The following MFSD8 variants were observed in gnomAD, a reference collection of about 807,000 sequenced individuals.
MFSD8 encodes major facilitator superfamily domain containing 8.
In MFSD8, 55 loss-of-function variants were observed where a neutral mutation model predicts 66.4. The ratio of observed to expected loss-of-function variants is 0.83; its 90% CI spans 0.67 to 1.04. The LOEUF (loss-of-function observed/expected upper bound fraction) is 1.04. MFSD8 is among the 50% of genes least tolerant of loss of function. The pLI is 0.00. For missense variants in MFSD8, 550 were observed against 627.6 expected (o/e 0.88, Z 1.32); for synonymous variants, 202 against 212.8 (o/e 0.95, Z 0.44).
At chr4:127,932,682 T>A in intron 8 of MFSD8, 1 of 256,668 alleles carries the variant, frequency 3.9e-6, no homozygotes, top group Admixed American at 5.2e-5. Context: ...AGCTTAAGGA[T>A]AATTAAATCA....
chr4:127,928,828 T>A (rs1737636186), intron 9 of MFSD8, among the ~76,000 whole-genome samples: 1 of 152,060 alleles, frequency 6.6e-6, no homozygotes, highest in Admixed American at 6.6e-5. Context: ...AGTCAAAATA[T>A]GAAACCAACC....
At chr4:127,930,572 G>C in intron 9 of MFSD8, 111 bp downstream of exon 9, 2 of 1,214,158 alleles carry the variant, frequency 1.6e-6, no homozygotes, top group Non-Finnish European at 2.3e-6. Context: ...GTAAATTTGT[G>C]TGCAAAAAAA....
intron 3 of MFSD8, among the ~76,000 whole-genome samples, chr4:127,944,982 C>T (rs560600849): frequency 3.3e-5 from 5 of 152,280 alleles, no homozygotes; most frequent in South Asian, 4.1e-4. Context: ...CATGAGCCAC[C>T]GCACTCAGCC....
intron 1 of MFSD8, among the ~76,000 whole-genome samples, chr4:127,961,312 C>T (rs1210628103): frequency 6.6e-6 from 1 of 152,052 alleles, no homozygotes; most frequent in Non-Finnish European, 1.5e-5. Context: ...AATCTAGAAC[C>T]TCAATCAGAG....
At chr4:127,927,128 T>C (rs571283646) in intron 9 of MFSD8, among the ~76,000 whole-genome samples, 1 of 152,262 alleles carries the variant, frequency 6.6e-6, no homozygotes, top group African/African-American at 2.4e-5. Context: ...GTGTTTAAAG[T>C]AGGCTAAGCT....
At chr4:127,922,122 ACT>A in intron 9 of MFSD8, 159 bp from the exon 10 acceptor site, 1 of 800,890 alleles carries the variant, frequency 1.2e-6, no homozygotes, top group South Asian at 1.7e-5. Flanking sequence ...AATAACCAGG[ACT>A]CCTCTGAAAA....
At chr4:127,933,248 TTA>T in intron 7 of MFSD8, 155 bp from the exon 8 acceptor site, 1 of 593,084 alleles carries the variant, frequency 1.7e-6, no homozygotes, top group Non-Finnish European at 3.0e-6. Flanking sequence ...GAGAATTTGT[TTA>T]TTTTTATTTT....
At chr4:127,930,575 C>CA (rs977634611) in intron 9 of MFSD8, 108 bp downstream of exon 9, 101 of 1,254,766 alleles carry the variant, frequency 8.0e-5, no homozygotes, top group Non-Finnish European at 8.4e-5. Flanking sequence ...AATTTGTGTG[C>CA]AAAAAAAAGC....
At chr4:127,958,365 A>C (rs530412097) in intron 1 of MFSD8, among the ~76,000 whole-genome samples, 1 of 152,314 alleles carries the variant, frequency 6.6e-6, no homozygotes, top group East Asian at 1.9e-4. Flanking sequence ...AATAATCAAG[A>C]CATGCAGAAC....
rs1736091235 is a variant in MFSD8, at chr4:127,919,169, G to A, written c.*1461C>T. 6.6e-6 allele frequency: 1 copy of A among 152,178 alleles called. No homozygotes were observed. The highest frequency in any genetic ancestry group is 2.1e-4 in the South Asian group (1 of 4,830). The allele number at this position is 152,178 out of a possible 1,614,324, so 9.4% of individuals were successfully genotyped here. ...AAAATTGAGTTTAAGAGCACAGCTA[G>A]TTTAGCATAAAGTGCAGATTATACA... On this transcript the variant is annotated 3_prime_UTR_variant, in exon 12 of 12. Coordinates refer to ENST00000641686, the MANE Select transcript of MFSD8 (RefSeq NM_001371596.2).
chr4:127,936,996 T>C (rs1040162147), intron 7 of MFSD8, among the ~76,000 whole-genome samples: 7 of 152,190 alleles, frequency 4.6e-5, no homozygotes, highest in African/African-American at 1.4e-4. Context: ...TTTTTTACCT[T>C]TGAAAAAAGG....
At position 127,921,743 on chromosome 4, in the gene MFSD8, G is replaced by A. The variant is rs760689362; in HGVS notation, c.1131C>T (p.Thr377=). ...EDLHNNSIPN[T]TFGEIIIGLW... is the part of the protein sequence containing the mutation. ...GACCAATAATAATTTCCCCAAATGT[G>A]GTATTAGGGATTGAATTATTGTGCA... The change falls in exon 11 of 12, where the codon ACC becomes ACT. Residue 377 remains threonine, a synonymous_variant. Transcript: ENST00000641686. 5 of 1,614,080 alleles carry A rather than the reference G, an allele frequency of 3.1e-6. No homozygotes were observed. Among genetic ancestry groups the A allele is most frequent in the Non-Finnish European group, 4.2e-6 (5 of 1,180,010 alleles).
Position 127,957,413 on chromosome 4 carries a change from T to G in MFSD8, c.154+88A>C, listed in dbSNP as rs904738533. 23 of 962,810 alleles carry G rather than the reference T, an allele frequency of 2.4e-5. No individual in the cohort carries two copies. In the African/African-American group the frequency reaches 3.4e-4, roughly 14 times the overall value. 59.6% of individuals were successfully genotyped at this position (962,810 alleles called of 1,614,324 possible). A position where few individuals can be genotyped will look rare whatever the true frequency, so the allele number is the denominator to read the frequency against. On this transcript the variant is annotated intron_variant, in intron 2 of 11. Coordinates refer to ENST00000641686, the MANE Select transcript of MFSD8 (RefSeq NM_001371596.2). The stretch of plus-strand genomic sequence containing the variant: ...ATTTTTTAGCACAATAAAGATAATT[T>G]CAGAGGCAATGAAAGTAAATGAAGT...
At position 127,953,882 on chromosome 4, in the gene MFSD8, T is replaced by C. The variant is rs562322489; in HGVS notation, c.154+3619A>G. ...ATCATTCACTTTTCTTTTTACCCAGTACTGAATCATGCACAACTTTGGCAA... is the reference window on the plus strand; with the variant it reads ...ATCATTCACTTTTCTTTTTACCCAGCACTGAATCATGCACAACTTTGGCAA... On this transcript the variant is annotated intron_variant, in intron 2 of 11. Transcript: ENST00000641686. Among the ~76,000 whole-genome samples the C allele has an allele frequency of 2.6e-5, 4 of 152,278 alleles. No homozygotes were observed. The South Asian group carries it at 8.3e-4, about 32-fold the overall frequency.
chr4:127,944,095 C>T, intron 3 of MFSD8, 103 bp from the exon 4 acceptor site: 1 of 1,499,542 alleles, frequency 6.7e-7, no homozygotes, highest in Non-Finnish European at 9.2e-7. Flanking sequence ...AAAATAAAAA[C>T]AATTCTAACG....
At chr4:127,945,190 T>C (rs1403069446) in intron 3 of MFSD8, 2 of 152,230 alleles carry the variant, frequency 1.3e-5, no homozygotes. Flanking sequence ...CTAATCTTCC[T>C]ATTTAATGGC....
intron 9 of MFSD8, among the ~76,000 whole-genome samples, chr4:127,926,165 C>T (rs1737175138): frequency 6.6e-6 from 1 of 150,676 alleles, no homozygotes; most frequent in Admixed American, 6.7e-5. Context: ...AGCAAACCAC[C>T]ATAGTACATT....
intron 4 of MFSD8, among the ~76,000 whole-genome samples, chr4:127,942,908 A>G (rs1740436074): frequency 6.6e-6 from 1 of 152,198 alleles, no homozygotes. Flanking sequence ...TTAAAGTATC[A>G]TTAATTCTTT....
At chr4:127,953,386 G>C (rs982358564) in intron 2 of MFSD8, among the ~76,000 whole-genome samples, 4 of 151,530 alleles carry the variant, frequency 2.6e-5, no homozygotes, top group South Asian at 2.1e-4. Flanking sequence ...TACTTGGAAG[G>C]CTGAGGCAGG....
Sources: gnomAD v4.1 joint callset for allele counts (sites outside exome capture counted in the v4.1 genomes callset) on GRCh38, gnomAD v4.1.1 for gene constraint, MANE v1.5 for transcripts, NCBI Gene and HGNC (gene_info 2026-07-23, HGNC 2026-07-21) for gene names.